CMTM8: variants seen among roughly 807,000 people sequenced by gnomAD.
The protein encoded by CMTM8 is CKLF like MARVEL transmembrane domain containing 8.
In CMTM8, 12 loss-of-function variants were observed where a neutral mutation model predicts 18.6. The observed-to-expected ratio is 0.65, with a 90% confidence interval of 0.41 to 1.05. The LOEUF (loss-of-function observed/expected upper bound fraction) is 1.05, where lower values mean the gene tolerates loss of function less well. Ranked by LOEUF, CMTM8 falls within the 50% of genes least tolerant of loss-of-function variation. The pLI is 0.00. For synonymous variants in CMTM8, 87 were observed against 90.6 expected (o/e 0.96, Z 0.23); for missense variants, 217 against 227.2 (o/e 0.95, Z 0.29).
At chr3:32,295,469 AAAAAAAAAAC>A (rs1305980857) in intron 1 of CMTM8, among the ~76,000 whole-genome samples, 2 of 141,992 alleles carry the variant, frequency 1.4e-5, no homozygotes, top group Non-Finnish European at 3.0e-5. Context: ...AAAAAAAAAA[AAAAAAAAAAC>A]AAAACAAAAC....
At chr3:32,273,838 G>A (rs1487105789) in intron 1 of CMTM8, among the ~76,000 whole-genome samples, 3 of 152,050 alleles carry the variant, frequency 2.0e-5, no homozygotes, top group African/African-American at 7.3e-5. Flanking sequence ...ATTTTATGAT[G>A]TATGCATTAT....
intron 1 of CMTM8, among the ~76,000 whole-genome samples, chr3:32,342,582 AG>A (rs1263423125): frequency 6.6e-6 from 1 of 152,204 alleles, no homozygotes; most frequent in African/African-American, 2.4e-5. Flanking sequence ...ACAGAGCTTC[AG>A]GGTTACACAT....
At chr3:32,326,962 A>G (rs1160856598) in intron 1 of CMTM8, among the ~76,000 whole-genome samples, 1 of 152,144 alleles carries the variant, frequency 6.6e-6, no homozygotes, top group African/African-American at 2.4e-5. Context: ...TTGCAGTGCT[A>G]GTTTTCTATT....
intron 1 of CMTM8, among the ~76,000 whole-genome samples, chr3:32,296,801 G>A (rs1702886847): frequency 6.6e-6 from 1 of 152,190 alleles, no homozygotes; most frequent in South Asian, 2.1e-4. Context: ...GGTTTTCCTC[G>A]GGAAGAGCAG....
chr3:32,355,832 C>T (rs1217850666), intron 1 of CMTM8, among the ~76,000 whole-genome samples: 1 of 152,178 alleles, frequency 6.6e-6, no homozygotes, highest in Admixed American at 6.5e-5. Context: ...ACCTTCAGAC[C>T]TTTGCCCACG....
At chr3:32,369,813 G>A in intron 3 of CMTM8, 71 bp from the exon 4 acceptor site, 1 of 945,512 alleles carries the variant, frequency 1.1e-6, no homozygotes. Context: ...ATTCAATGGA[G>A]GTGAAATGAT....
rs1201114055 is a variant in CMTM8 at position 32,297,559 on chromosome 3, G to T, written c.147+58440G>T. Among the ~76,000 whole-genome samples, 3 of 151,892 alleles carry T rather than the reference G, an allele frequency of 2.0e-5. No homozygotes were observed. In the East Asian group the frequency reaches 5.8e-4, roughly 29 times the overall value. ...AAAGCTCACCTTGGGGAATACAGTG[G>T]TAACCTTGCACAGAGAATGCTGTGG... On this transcript the variant is annotated intron_variant, in intron 1 of 3. Coordinates refer to ENST00000307526, the MANE Select transcript of CMTM8 (RefSeq NM_178868.5).
intron 1 of CMTM8, among the ~76,000 whole-genome samples, chr3:32,282,445 T>C (rs904857704): frequency 6.6e-6 from 1 of 152,136 alleles, no homozygotes; most frequent in Non-Finnish European, 1.5e-5. Context: ...TAATTATTTT[T>C]AGCTATGAGA....
At chr3:32,349,282 T>C (rs939149760) in intron 1 of CMTM8, among the ~76,000 whole-genome samples, 1 of 152,120 alleles carries the variant, frequency 6.6e-6, no homozygotes, top group Non-Finnish European at 1.5e-5. Context: ...TCATTGAAGA[T>C]TGACCTGGCT....
At chr3:32,271,246 C>T (rs978987660) in intron 1 of CMTM8, among the ~76,000 whole-genome samples, 2 of 152,196 alleles carry the variant, frequency 1.3e-5, no homozygotes, top group East Asian at 1.9e-4. Context: ...CCTGCCTCAG[C>T]CTCCTGAGTA....
intron 3 of CMTM8, 113 bp downstream of exon 3, chr3:32,368,101 A>C (rs1430820258): frequency 5.4e-6 from 4 of 743,604 alleles, no homozygotes; most frequent in Non-Finnish European, 7.1e-6. Context: ...GTAGTGACAA[A>C]TTAGCAATTG....
chr3:32,265,460 A>G (rs1702324552), intron 1 of CMTM8, among the ~76,000 whole-genome samples: 1 of 152,256 alleles, frequency 6.6e-6, no homozygotes, highest in Non-Finnish European at 1.5e-5. Context: ...AGCAGTGTGT[A>G]GAGGGAAATT....
chr3:32,268,461 G>A (rs1343187065), intron 1 of CMTM8, among the ~76,000 whole-genome samples: 2 of 152,088 alleles, frequency 1.3e-5, no homozygotes, highest in East Asian at 3.9e-4. Flanking sequence ...GGGGGAGCAG[G>A]GAGGGATAGC....
intron 2 of CMTM8, among the ~76,000 whole-genome samples, chr3:32,361,286 G>GTTTGTTTTTTTTTGTT (rs140270969): frequency 1.1e-5 from 1 of 87,230 alleles, no homozygotes; most frequent in Admixed American, 1.2e-4. Context: ...CAGCCTAAGA[G>GTTTGTTTTTTTTTGTT]TTTTTTTTTC....
chr3:32,324,052 T>G (rs745695435), intron 1 of CMTM8, among the ~76,000 whole-genome samples: 71 of 152,200 alleles, frequency 4.7e-4, no homozygotes, highest in Non-Finnish European at 9.6e-4. Context: ...TTTGGGAGAT[T>G]GATGGTAAAC....
chr3:32,361,296 C>G (rs2342368), intron 2 of CMTM8, among the ~76,000 whole-genome samples: 6 of 125,900 alleles, frequency 4.8e-5, no homozygotes, highest in African/African-American at 1.2e-4. Context: ...GTTTTTTTTT[C>G]TTTCAAATTT....
chr3:32,296,102 G>A (rs1702874409), intron 1 of CMTM8, among the ~76,000 whole-genome samples: 1 of 151,976 alleles, frequency 6.6e-6, no homozygotes, highest in Non-Finnish European at 1.5e-5. Context: ...TCTGTGCTCA[G>A]TAACAATCAG....
chr3:32,359,520 A>G (rs1380971301), intron 2 of CMTM8, among the ~76,000 whole-genome samples: 1 of 152,082 alleles, frequency 6.6e-6, no homozygotes, highest in East Asian at 1.9e-4. Context: ...AACCCAGGAG[A>G]CGGAGGTTGT....
intron 1 of CMTM8, among the ~76,000 whole-genome samples, chr3:32,242,408 C>T (rs188376887): frequency 6.6e-6 from 1 of 151,962 alleles, no homozygotes; most frequent in Non-Finnish European, 1.5e-5. Context: ...TGCAACCTAC[C>T]CCTCCTGGGC....
Sources: allele counts gnomAD v4.1 joint callset (sites outside exome capture counted in the v4.1 genomes callset), GRCh38; gene constraint gnomAD v4.1.1; transcripts MANE v1.5; gene names NCBI Gene and HGNC (gene_info 2026-07-23, HGNC 2026-07-21).